The following YTHDC2 variants were observed in gnomAD, a reference collection of about 807,000 sequenced individuals.
The protein encoded by YTHDC2 is YTH N6-methyladenosine RNA binding protein C2.
In YTHDC2, 45 loss-of-function variants were observed where a neutral mutation model predicts 174.9. That is an observed-to-expected ratio of 0.26 (90% CI 0.20 to 0.33). The LOEUF is 0.33. Among genes scored for constraint, YTHDC2 ranks in the 10% least tolerant of loss-of-function variants. YTHDC2 has a pLI of 1.00. For missense variants in YTHDC2, 1,650 were observed against 1,723.7 expected (o/e 0.96, Z 0.76); for synonymous variants, 657 against 574.5 (o/e 1.14, Z -2.05).
intron 18 of YTHDC2, among the ~76,000 whole-genome samples, 160 bp from the exon 19 acceptor site, chr5:113,563,213 A>G (rs1036123374): frequency 2.6e-5 from 4 of 152,128 alleles, no homozygotes; most frequent in African/African-American, 9.7e-5. Context: ...GCAAAGTATG[A>G]GCTCATCTTT....
rs1474069520 is a variant in YTHDC2, at chr5:113,594,794, ACT to A, written c.*1323_*1324del. The stretch of plus-strand genomic sequence containing the variant: ...AGTGTAAATTAAAGACAAAAAGAAA[ACT>A]CTGGTTTTATATTTGAGAACACGTG... On this transcript the variant is annotated 3_prime_UTR_variant, in exon 30 of 30. Transcript: ENST00000161863. 6 of 151,986 alleles carry A rather than the reference ACT, an allele frequency of 3.9e-5. No individual in the cohort carries two copies. Among genetic ancestry groups the A allele is most frequent in the Non-Finnish European group, 8.8e-5 (6 of 67,998 alleles). The allele number at this position is 151,986 out of a possible 1,614,324, so 9.4% of individuals were successfully genotyped here. A position where few individuals can be genotyped will look rare whatever the true frequency, so the allele number is the denominator to read the frequency against.
At chr5:113,525,270 A>AG in intron 3 of YTHDC2, 93 bp downstream of exon 3, 1 of 1,076,420 alleles carries the variant, frequency 9.3e-7, no homozygotes, top group Non-Finnish European at 1.3e-6. Flanking sequence ...CCAAGATGAA[A>AG]TAAGATTTCT....
At chr5:113,586,597 A>G (rs1778692871) in intron 26 of YTHDC2, among the ~76,000 whole-genome samples, 1 of 151,702 alleles carries the variant, frequency 6.6e-6, no homozygotes, top group Non-Finnish European at 1.5e-5. Flanking sequence ...ACCCAAGATC[A>G]TAATTTTCTC....
intron 24 of YTHDC2, among the ~76,000 whole-genome samples, chr5:113,580,450 A>G (rs767096024): frequency 6.6e-6 from 1 of 152,100 alleles, no homozygotes; most frequent in African/African-American, 2.4e-5. Context: ...TTCTTTTCAA[A>G]TTACAAATTT....
intron 23 of YTHDC2, 55 bp downstream of exon 23, chr5:113,567,904 A>C: frequency 7.7e-7 from 1 of 1,291,560 alleles, no homozygotes; most frequent in Non-Finnish European, 1.0e-6. Context: ...TTTTTTTACC[A>C]AATAATGAAA....
Position 113,561,159 on chromosome 5 carries a change from C to T in YTHDC2, c.2296C>T (p.Pro766Ser). The change falls in exon 18 of 30, where the codon CCG (proline) becomes TCG (serine). Residue 766 changes from proline to serine, a missense_variant. By Grantham distance (74) the Pro-to-Ser change is moderately conservative. Transcript: ENST00000161863. ...CCAGAATATGTTGGAATTTCAGACT[C>T]CGGAACTTTTGAGAATGCCATTACA... ...RFQNMLEFQT[P>S]ELLRMPLQEL... The T allele has an allele frequency of 6.2e-7, 1 of 1,612,516 alleles. No homozygotes were observed.
intron 21 of YTHDC2, 80 bp from the exon 22 acceptor site, chr5:113,567,012 G>A: frequency 2.1e-6 from 3 of 1,425,894 alleles, no homozygotes; most frequent in Non-Finnish European, 2.8e-6. Flanking sequence ...ATTTACATGA[G>A]TTGTACAAGT....
At position 113,533,780 on chromosome 5, in the gene YTHDC2, A is replaced by G. The variant is rs143098741; in HGVS notation, c.843-525A>G. Among the ~76,000 whole-genome samples the G allele has an allele frequency of 4.6e-5, 7 of 152,286 alleles. No individual in the cohort carries two copies. In the East Asian group the frequency reaches 1.3e-3, roughly 29 times the overall value. On this transcript the variant is annotated intron_variant, in intron 5 of 29. Transcript: ENST00000161863. The stretch of plus-strand genomic sequence containing the variant: ...AATCCAAGATGCTAAAAAATCTAAA[A>G]CTTTTTGAGTGCCAACATGACACTC...
At chr5:113,561,473 A>ATCTATATT (rs56886888) in intron 18 of YTHDC2, among the ~76,000 whole-genome samples, 12 of 138,482 alleles carry the variant, frequency 8.7e-5, no homozygotes, top group South Asian at 2.3e-4. Context: ...ATCTATCTAT[A>ATCTATATT]TTTTTTTTTT....
intron 20 of YTHDC2, chr5:113,565,681 CTT>C: frequency 2.4e-6 from 1 of 425,100 alleles, no homozygotes; most frequent in Non-Finnish European, 3.9e-6. Context: ...ACTTAGTTCT[CTT>C]TGCGATTTTA....
At chr5:113,517,526 TTA>T (rs1437948070) in intron 2 of YTHDC2, 3 of 455,850 alleles carry the variant, frequency 6.6e-6, no homozygotes, top group African/African-American at 6.0e-5. Context: ...AAGAAGGAAG[TTA>T]TGGAGACAAA....
chr5:113,593,006 A>G, intron 28 of YTHDC2: 1 of 202,782 alleles, frequency 4.9e-6, no homozygotes, highest in Non-Finnish European at 1.0e-5. Context: ...CTCTATGAAA[A>G]ACAAAATCCA....
intron 5 of YTHDC2, among the ~76,000 whole-genome samples, chr5:113,533,405 C>T (rs4132094): frequency 0.29 from 43,357 of 151,574 alleles, 7,664 homozygotes; most frequent in African/African-American, 0.48. Context: ...CAAAATTATC[C>T]GGGCTTGGTG....
intron 23 of YTHDC2, among the ~76,000 whole-genome samples, chr5:113,579,385 T>C: frequency 6.6e-6 from 1 of 152,150 alleles, no homozygotes; most frequent in East Asian, 1.9e-4. Context: ...TGAGACATTA[T>C]AGTCTTCAAA....
rs536773707 is a variant in YTHDC2, at chr5:113,587,483, G to T, written c.3825+3004G>T. ...TATATAATATATAAATATATATTATGTATTCATATAATATATATAATGTAT... is the reference window on the plus strand; with the variant it reads ...TATATAATATATAAATATATATTATTTATTCATATAATATATATAATGTAT... On this transcript the variant is annotated intron_variant, in intron 26 of 29. Transcript: ENST00000161863. Among the ~76,000 whole-genome samples the T allele has an allele frequency of 2.4e-3, 289 of 121,426 alleles. 84 individuals carry two copies. The highest frequency in any genetic ancestry group is 9.3e-3 in the African/African-American group (285 of 30,770). The allele number at this position is 121,426 out of a possible 152,430, so 79.7% of individuals were successfully genotyped here. A position where few individuals can be genotyped will look rare whatever the true frequency, so the allele number is the denominator to read the frequency against.
chr5:113,590,556 G>A (rs745417112), intron 26 of YTHDC2, among the ~76,000 whole-genome samples: 1 of 152,116 alleles, frequency 6.6e-6, no homozygotes, highest in Non-Finnish European at 1.5e-5. Flanking sequence ...TGTTTCCTTT[G>A]GAGCTCTCTT....
chr5:113,567,051 T>C, intron 21 of YTHDC2, 41 bp from the exon 22 acceptor site: 1 of 1,587,352 alleles, frequency 6.3e-7, no homozygotes, highest in Non-Finnish European at 8.6e-7. Context: ...AAAGTATCTT[T>C]TGCACAATAG....
At chr5:113,564,742 T>C (rs1196669285) in intron 20 of YTHDC2, among the ~76,000 whole-genome samples, 1 of 152,204 alleles carries the variant, frequency 6.6e-6, no homozygotes, top group Non-Finnish European at 1.5e-5. Flanking sequence ...TGGGGAAGAA[T>C]ATGTTATTTC....
Position 113,567,739 on chromosome 5 carries a change from GA to G in YTHDC2, c.3136del (p.Ile1046Ter). The G allele has an allele frequency of 6.2e-7, 1 of 1,611,944 alleles. No individual in the cohort carries two copies. The highest frequency in any genetic ancestry group is 8.5e-7 in the Non-Finnish European group (1 of 1,179,034). ...LIYDEMTRAH[R>X]IANIRCCSAV... ...TATGATGAAATGACCAGAGCCCATAGAATAGCTAATATTAGATGTTGTTCAG... is the reference window on the plus strand; with the variant it reads ...TATGATGAAATGACCAGAGCCCATAGATAGCTAATATTAGATGTTGTTCAG... On this transcript the variant is annotated frameshift_variant, in exon 23 of 30. Coordinates refer to ENST00000161863, the MANE Select transcript of YTHDC2 (RefSeq NM_022828.5). LOFTEE classifies it high-confidence loss of function.
Sources: allele counts gnomAD v4.1 joint callset (sites outside exome capture counted in the v4.1 genomes callset), GRCh38; gene constraint gnomAD v4.1.1; transcripts MANE v1.5; gene names NCBI Gene and HGNC (gene_info 2026-07-23, HGNC 2026-07-21).